LUZP2: variants seen among roughly 807,000 people sequenced by gnomAD.
LUZP2 encodes leucine zipper protein 2.
Under a neutral mutation model 51.6 loss-of-function variants are expected in LUZP2, and 52 were observed. The ratio of observed to expected loss-of-function variants is 1.01; its 90% CI spans 0.81 to 1.27. The LOEUF (loss-of-function observed/expected upper bound fraction) is 1.27, where lower values mean the gene tolerates loss of function less well. Among genes scored for constraint, LUZP2 ranks in the 50% most tolerant of loss-of-function variants. LUZP2 has a pLI of 0.00. For synonymous variants in LUZP2, 154 were observed against 137.3 expected, an observed-to-expected ratio of 1.12 and a Z score of -0.85; for missense variants, 436 against 395.4, an observed-to-expected ratio of 1.10 and a Z score of -0.87.
At chr11:24,532,434 T>A (rs1851035701) in intron 1 of LUZP2, among the ~76,000 whole-genome samples, 1 of 151,028 alleles carries the variant, frequency 6.6e-6, no homozygotes, top group Non-Finnish European at 1.5e-5. Flanking sequence ...TAGGTTTTCA[T>A]CAAGATAAGT....
chr11:25,076,730 A>T (rs1390387703), intron 10 of LUZP2, among the ~76,000 whole-genome samples: 1 of 113,818 alleles, frequency 8.8e-6, no homozygotes, highest in East Asian at 6.4e-4. Flanking sequence ...CCCAAGTGGA[A>T]TCCTTTTTTT....
chr11:24,983,152 G>C lies in LUZP2; in HGVS notation c.624G>C (p.Glu208Asp). 6.2e-7 allele frequency: 1 copy of C among 1,611,982 alleles called. No individual in the cohort carries two copies. Among genetic ancestry groups the C allele is most frequent in the Non-Finnish European group, 8.5e-7 (1 of 1,178,734 alleles). ...DRESQMKAMKETVQLCLTSVF... is the reference protein window; with the variant it reads ...DRESQMKAMKDTVQLCLTSVF... ...AGTCACAGATGAAAGCAATGAAAGAGACTGTGCAGCTCTGCTTGACATCTG... is the reference window on the plus strand; with the variant it reads ...AGTCACAGATGAAAGCAATGAAAGACACTGTGCAGCTCTGCTTGACATCTG... The change falls in exon 9 of 12, where the codon GAG becomes GAC. Residue 208 changes from glutamate (E) to aspartate (D), a missense_variant. Coordinates refer to ENST00000336930, the MANE Select transcript of LUZP2 (RefSeq NM_001009909.4).
Position 24,935,186 on chromosome 11 carries a change from G to A in LUZP2, c.522+20648G>A, listed in dbSNP as rs80089616. 3.6e-3 allele frequency among the ~76,000 whole-genome samples: 548 copies of A among 152,250 alleles called. 3 individuals are homozygous for A. Among genetic ancestry groups the A allele is most frequent in the African/African-American group, 0.012 (509 of 41,542 alleles). ...TTGTGCATCACGTTGTATATGTTGT[G>A]TATGTATGTCCTGGCTTAGCAAGCT... is the stretch of plus-strand genomic sequence containing the variant. On this transcript the variant is annotated intron_variant, in intron 7 of 11. Transcript: ENST00000336930.
intron 1 of LUZP2, among the ~76,000 whole-genome samples, chr11:24,645,644 C>A (rs2133952886): frequency 6.6e-6 from 1 of 152,148 alleles, no homozygotes; most frequent in South Asian, 2.1e-4. Flanking sequence ...TTGCTGTTAA[C>A]AATCTGCCAG....
intron 5 of LUZP2, among the ~76,000 whole-genome samples, chr11:24,772,726 A>G (rs1308111357): frequency 6.6e-6 from 1 of 152,170 alleles, no homozygotes; most frequent in Admixed American, 6.5e-5. Context: ...CTGGATCCAC[A>G]GTGTCAACAG....
intron 7 of LUZP2, among the ~76,000 whole-genome samples, chr11:24,928,268 C>T (rs1854338719): frequency 6.6e-6 from 1 of 152,004 alleles, no homozygotes; most frequent in East Asian, 1.9e-4. Context: ...ACTTCCAGTA[C>T]TATGTTCAGT....
At chr11:24,860,986 G>T (rs1323261164) in intron 5 of LUZP2, among the ~76,000 whole-genome samples, 1 of 152,202 alleles carries the variant, frequency 6.6e-6, no homozygotes, top group Non-Finnish European at 1.5e-5. Context: ...GTAGGCTTCA[G>T]AAGATGGTAA....
intron 1 of LUZP2, among the ~76,000 whole-genome samples, chr11:24,590,314 A>G (rs1258544613): frequency 6.6e-6 from 1 of 152,190 alleles, no homozygotes; most frequent in Non-Finnish European, 1.5e-5. Flanking sequence ...GTACATATTT[A>G]CGGAGTACAA....
chr11:25,067,419 A>G (rs1330532968), intron 10 of LUZP2, among the ~76,000 whole-genome samples: 1 of 151,930 alleles, frequency 6.6e-6, no homozygotes, highest in Admixed American at 6.6e-5. Flanking sequence ...TTTTGTTGTC[A>G]TTGTTTTTGG....
At chr11:24,626,422 A>T (rs902075589) in intron 1 of LUZP2, among the ~76,000 whole-genome samples, 1 of 152,218 alleles carries the variant, frequency 6.6e-6, no homozygotes, top group Non-Finnish European at 1.5e-5. Context: ...GTGAAGTCTT[A>T]AAATACACTC....
intron 9 of LUZP2, among the ~76,000 whole-genome samples, chr11:25,007,844 G>A (rs1191574268): frequency 6.6e-6 from 1 of 152,102 alleles, no homozygotes; most frequent in Non-Finnish European, 1.5e-5. Context: ...AAATTTTGCT[G>A]TGAAATATTT....
rs376574656 is a variant in LUZP2, at chr11:24,813,101, ACT to A, written c.396+49794_396+49795del. 9.2e-5 allele frequency among the ~76,000 whole-genome samples: 14 copies of A among 152,262 alleles called. 2 individuals are homozygous for A. Among genetic ancestry groups the A allele is most frequent in the African/African-American group, 3.4e-4 (14 of 41,544 alleles). On this transcript the variant is annotated intron_variant, in intron 5 of 11. Coordinates refer to ENST00000336930, the MANE Select transcript of LUZP2 (RefSeq NM_001009909.4). Reference sequence around the variant, plus strand: ...GATAATTACTTTTGTCCAGATTGATACTGTTTTATTTCAGACTGACACCATTC... The same window carrying A: ...GATAATTACTTTTGTCCAGATTGATAGTTTTATTTCAGACTGACACCATTC...
At chr11:24,838,912 G>A (rs549833183) in intron 5 of LUZP2, among the ~76,000 whole-genome samples, 3 of 151,628 alleles carry the variant, frequency 2.0e-5, no homozygotes, top group Non-Finnish European at 4.4e-5. Flanking sequence ...TGAAGCTCAC[G>A]TTTCATTCCC....
intron 5 of LUZP2, among the ~76,000 whole-genome samples, chr11:24,802,604 T>C (rs976607927): frequency 1.3e-5 from 2 of 152,034 alleles, no homozygotes; most frequent in Admixed American, 6.6e-5. Flanking sequence ...TCATCATTTC[T>C]TACATCTTGT....
At chr11:24,502,617 C>T (rs981667914) in intron 1 of LUZP2, among the ~76,000 whole-genome samples, 4 of 152,024 alleles carry the variant, frequency 2.6e-5, no homozygotes, top group African/African-American at 9.7e-5. Flanking sequence ...AACCCATGAC[C>T]TCATGATCCA....
At chr11:24,842,735 A>G (rs1425984980) in intron 5 of LUZP2, among the ~76,000 whole-genome samples, 5 of 152,022 alleles carry the variant, frequency 3.3e-5, no homozygotes, top group Non-Finnish European at 7.4e-5. Flanking sequence ...TATAATGAAA[A>G]TACTGCTTTA....
At chr11:24,617,734 T>A (rs2133899393) in intron 1 of LUZP2, among the ~76,000 whole-genome samples, 1 of 152,054 alleles carries the variant, frequency 6.6e-6, no homozygotes, top group East Asian at 1.9e-4. Flanking sequence ...GGCAGGGTAA[T>A]CTCTTGAACC....
intron 6 of LUZP2, among the ~76,000 whole-genome samples, chr11:24,909,799 T>C (rs1316281772): frequency 6.6e-6 from 1 of 152,182 alleles, no homozygotes; most frequent in African/African-American, 2.4e-5. Context: ...GAGATCAGAC[T>C]AATACAGTAA....
intron 1 of LUZP2, among the ~76,000 whole-genome samples, chr11:24,498,675 C>T (rs1441027601): frequency 6.6e-6 from 1 of 152,134 alleles, no homozygotes; most frequent in East Asian, 1.9e-4. Flanking sequence ...ATACAGAGCC[C>T]ATTTTAATAT....
Sources: gnomAD v4.1 joint callset for allele counts (sites outside exome capture counted in the v4.1 genomes callset) on GRCh38, gnomAD v4.1.1 for gene constraint, MANE v1.5 for transcripts, NCBI Gene and HGNC (gene_info 2026-07-23, HGNC 2026-07-21) for gene names.